Variants in GRIK4 observed in about 807,000 individuals in gnomAD.
GRIK4 encodes the protein glutamate receptor ionotropic, kainate 4.
GRIK4 carries 40 observed loss-of-function variants against 104.9 expected under a neutral mutation model. The ratio of observed to expected loss-of-function variants is 0.38; its 90% confidence interval spans 0.30 to 0.50. The LOEUF is 0.50. GRIK4 is among the 20% of genes least tolerant of loss of function. The pLI is 0.93. For missense variants in GRIK4, 1,047 were observed against 1,308.1 expected (o/e 0.80, Z 3.08); for synonymous variants, 485 against 524.9 (o/e 0.92, Z 1.04).
At chr11:120,951,661 A>G (rs1018887733) in intron 14 of GRIK4, among the ~76,000 whole-genome samples, 2 of 152,192 alleles carry the variant, frequency 1.3e-5, no homozygotes, top group Non-Finnish European at 2.9e-5. Context: ...CATCTAGTCC[A>G]GTGGTTTTAT....
intron 3 of GRIK4, among the ~76,000 whole-genome samples, chr11:120,703,058 A>G (rs1950577905): frequency 6.6e-6 from 1 of 152,232 alleles, no homozygotes; most frequent in African/African-American, 2.4e-5. Context: ...AGTGTTGGTC[A>G]ATAGAACTTT....
At chr11:120,609,119 C>T (rs1343819314) in intron 1 of GRIK4, among the ~76,000 whole-genome samples, 1 of 152,094 alleles carries the variant, frequency 6.6e-6, no homozygotes, top group Non-Finnish European at 1.5e-5. Flanking sequence ...GAGGCCCAAC[C>T]CTGCGTGCTC....
At chr11:120,770,874 A>G (rs1031736197) in intron 3 of GRIK4, among the ~76,000 whole-genome samples, 2 of 152,232 alleles carry the variant, frequency 1.3e-5, no homozygotes, top group Non-Finnish European at 2.9e-5. Context: ...TATGAACCAG[A>G]AAGCAGGCCC....
chr11:120,945,302 C>G (rs1565454989), intron 14 of GRIK4, among the ~76,000 whole-genome samples: 1 of 152,222 alleles, frequency 6.6e-6, no homozygotes, highest in Non-Finnish European at 1.5e-5. Flanking sequence ...TGCCCTCTGC[C>G]TATACTTCTA....
At chr11:120,732,052 G>T (rs570282411) in intron 3 of GRIK4, among the ~76,000 whole-genome samples, 2 of 152,042 alleles carry the variant, frequency 1.3e-5, no homozygotes, top group East Asian at 3.9e-4. Flanking sequence ...CCATTTATAT[G>T]TGCTCTGATC....
intron 3 of GRIK4, among the ~76,000 whole-genome samples, chr11:120,732,150 C>T (rs144001555): frequency 0.02 from 3,047 of 150,772 alleles, 103 homozygotes; most frequent in African/African-American, 0.07. Context: ...TGTTTTTTTT[C>T]TGACAGAGTC....
At chr11:120,791,010 A>G (rs916666212) in intron 3 of GRIK4, among the ~76,000 whole-genome samples, 2 of 152,208 alleles carry the variant, frequency 1.3e-5, no homozygotes, top group African/African-American at 4.8e-5. Flanking sequence ...GTAGCCAGAA[A>G]AAGGAGTCTG....
intron 8 of GRIK4, among the ~76,000 whole-genome samples, chr11:120,847,869 A>G (rs927858942): frequency 6.6e-6 from 1 of 152,222 alleles, no homozygotes; most frequent in Non-Finnish European, 1.5e-5. Context: ...TACCACTTGG[A>G]TAGCTGTCAA....
At chr11:120,770,646 G>T (rs973591122) in intron 3 of GRIK4, among the ~76,000 whole-genome samples, 1 of 152,150 alleles carries the variant, frequency 6.6e-6, no homozygotes, top group African/African-American at 2.4e-5. Flanking sequence ...CTTTGACTCT[G>T]GGGAAGTGCC....
chr11:120,547,614 C>A (rs1264563103), intron 1 of GRIK4, among the ~76,000 whole-genome samples: 1 of 151,372 alleles, frequency 6.6e-6, no homozygotes, highest in African/African-American at 2.4e-5. Flanking sequence ...TTTGTCCTGA[C>A]ATAAACACTT....
At chr11:120,601,865 A>T (rs899553302) in intron 1 of GRIK4, among the ~76,000 whole-genome samples, 7 of 152,104 alleles carry the variant, frequency 4.6e-5, no homozygotes, top group African/African-American at 1.7e-4. Flanking sequence ...AGAGAGCAGC[A>T]TGAAGGATAA....
chr11:120,834,377 C>T (rs950396646), intron 7 of GRIK4, among the ~76,000 whole-genome samples: 16 of 152,044 alleles, frequency 1.1e-4, no homozygotes, highest in African/African-American at 3.4e-4. Context: ...TGCCTCAGGG[C>T]TGTCTTTCCT....
intron 1 of GRIK4, among the ~76,000 whole-genome samples, chr11:120,623,489 C>T (rs765738976): frequency 1.3e-5 from 2 of 152,168 alleles, no homozygotes; most frequent in Non-Finnish European, 2.9e-5. Flanking sequence ...TGCTCTCTGA[C>T]ACAAGATGTC....
intron 20 of GRIK4, 42 bp from the exon 21 acceptor site, chr11:120,985,862 G>A: frequency 6.5e-7 from 1 of 1,543,550 alleles, no homozygotes; most frequent in Non-Finnish European, 8.8e-7. Context: ...GCCCACGGGG[G>A]CTGGTTGAGA....
rs1001776788 is a variant in GRIK4 at position 120,988,057 on chromosome 11, C to A, written c.*1797C>A. On this transcript the variant is annotated 3_prime_UTR_variant, in exon 21 of 21. Transcript: ENST00000527524. The stretch of plus-strand genomic sequence containing the variant: ...TCATGTTTTTGCCATTTGGGTTGGT[C>A]GGCATCCTCTTTATGCCAGGACAAT... 3.3e-5 allele frequency: 5 copies of A among 152,160 alleles called. No homozygotes were observed. Among genetic ancestry groups the A allele is most frequent in the Non-Finnish European group, 7.4e-5 (5 of 68,026 alleles). 9.4% of individuals were successfully genotyped at this position (152,160 alleles called of 1,614,324 possible).
intron 14 of GRIK4, among the ~76,000 whole-genome samples, chr11:120,948,948 A>G (rs4935757): frequency 0.25 from 38,347 of 152,114 alleles, 4,996 homozygotes; most frequent in East Asian, 0.37. Flanking sequence ...CCAGGATTGC[A>G]TGTCTTGTAA....
Position 120,986,017 on chromosome 11 carries a change from C to A in GRIK4, c.2628C>A (p.Pro876=), listed in dbSNP as rs767712459. Residue 876 remains proline (P), a synonymous_variant, in exon 21 of 21, where the codon CCC becomes CCA. Coordinates refer to ENST00000527524, the MANE Select transcript of GRIK4 (RefSeq NM_014619.5). ...TCCCGCCGCCCCGGCCCCCCATCCC[C>A]GAGGAGCGCCGACCGCGGGGCACGG... ...AAVPPPRPPI[P]EERRPRGTAT... 1.6e-5 allele frequency: 24 copies of A among 1,526,638 alleles called. No homozygotes were observed. The East Asian group carries it at 6.3e-4, about 40-fold the overall frequency. The allele number at this position is 1,526,638 out of a possible 1,614,324, so 94.6% of individuals were successfully genotyped here. A position where few individuals can be genotyped will look rare whatever the true frequency, so the allele number is the denominator to read the frequency against.
At chr11:120,644,496 T>G (rs1277764132) in intron 1 of GRIK4, among the ~76,000 whole-genome samples, 2 of 152,214 alleles carry the variant, frequency 1.3e-5, no homozygotes, top group African/African-American at 4.8e-5. Flanking sequence ...GTTAATGTCT[T>G]GGTCACAGTA....
At chr11:120,843,607 C>T (rs1255952440) in intron 8 of GRIK4, among the ~76,000 whole-genome samples, 1 of 152,120 alleles carries the variant, frequency 6.6e-6, no homozygotes, top group Non-Finnish European at 1.5e-5. Flanking sequence ...TAGCAGGAGA[C>T]ACAGTTTTAT....
Sources: allele counts gnomAD v4.1 joint callset (sites outside exome capture counted in the v4.1 genomes callset), GRCh38; gene constraint gnomAD v4.1.1; transcripts MANE v1.5; gene names NCBI Gene and HGNC (gene_info 2026-07-23, HGNC 2026-07-21).